The following NRG1 variants were observed in gnomAD, a reference collection of about 807,000 sequenced individuals.
The protein encoded by NRG1 is pro-neuregulin-1, membrane-bound isoform.
In NRG1, 18 loss-of-function variants were observed where a neutral mutation model predicts 63.8. The ratio of observed to expected loss-of-function variants is 0.28; its 90% confidence interval spans 0.19 to 0.42. The LOEUF is 0.42. NRG1 is among the 10% of genes least tolerant of loss of function. The pLI is 1.00. For missense variants in NRG1, 762 were observed against 814.7 expected, an observed-to-expected ratio of 0.94 and a Z score of 0.79; for synonymous variants, 302 against 301.3, an observed-to-expected ratio of 1.00 and a Z score of -0.02.
chr8:32,176,063 T>A (rs1361579551), intron 1 of NRG1, among the ~76,000 whole-genome samples: 1 of 152,090 alleles, frequency 6.6e-6, no homozygotes, highest in African/African-American at 2.4e-5. Flanking sequence ...GGAGGCATCA[T>A]GCTACCTGAC....
chr8:32,320,939 A>G (rs1395628975), intron 1 of NRG1, among the ~76,000 whole-genome samples: 1 of 152,196 alleles, frequency 6.6e-6, no homozygotes, highest in Non-Finnish European at 1.5e-5. Context: ...CAATTTGAGG[A>G]AATCAATTTC....
chr8:32,284,505 T>G (rs1476226365), intron 1 of NRG1, among the ~76,000 whole-genome samples: 129 of 133,570 alleles, frequency 9.7e-4, no homozygotes, highest in South Asian at 4.3e-3. Context: ...CTTCCTTCCT[T>G]CCTTCCTTCC....
intron 1 of NRG1, among the ~76,000 whole-genome samples, chr8:32,349,313 C>T (rs1237384367): frequency 2.0e-5 from 3 of 152,126 alleles, no homozygotes; most frequent in Non-Finnish European, 4.4e-5. Flanking sequence ...TCCCATAGTC[C>T]TCTATCTTTA....
intron 1 of NRG1, among the ~76,000 whole-genome samples, chr8:31,941,505 C>T (rs886979258): frequency 6.6e-6 from 1 of 152,070 alleles, no homozygotes; most frequent in Non-Finnish European, 1.5e-5. Context: ...CCCACTTTCA[C>T]CACTTCTATT....
intron 5 of NRG1, among the ~76,000 whole-genome samples, chr8:32,717,187 T>C (rs1365054431): frequency 6.6e-6 from 1 of 152,120 alleles, no homozygotes. Flanking sequence ...ACATTTTCTT[T>C]AGAGAAGCAA....
chr8:32,433,176 G>A (rs146678051), intron 1 of NRG1, among the ~76,000 whole-genome samples: 1 of 152,248 alleles, frequency 6.6e-6, no homozygotes, highest in Non-Finnish European at 1.5e-5. Flanking sequence ...CCTCTCATCT[G>A]TGTTTGAGAA....
At chr8:32,387,643 C>T (rs948007322) in intron 1 of NRG1, among the ~76,000 whole-genome samples, 1 of 151,972 alleles carries the variant, frequency 6.6e-6, no homozygotes, top group African/African-American at 2.4e-5. Flanking sequence ...CCTACTGATT[C>T]TTTACCCTAA....
chr8:32,123,541 A>T (rs1461725792), intron 1 of NRG1, among the ~76,000 whole-genome samples: 2 of 151,176 alleles, frequency 1.3e-5, no homozygotes, highest in Non-Finnish European at 3.0e-5. Context: ...GCGTGAGAAC[A>T]GACTATAACA....
At chr8:32,544,756 C>G (rs1293992849), upstream of NRG1, among the ~76,000 whole-genome samples, 1 of 138,380 alleles carries the variant, frequency 7.2e-6, no homozygotes, top group Non-Finnish European at 1.5e-5. Context: ...CTCCTGGGCT[C>G]AAGCAATCCA....
intron 1 of NRG1, among the ~76,000 whole-genome samples, chr8:31,732,031 A>C (rs543506763): frequency 1.2e-4 from 18 of 152,102 alleles, no homozygotes; most frequent in Non-Finnish European, 2.4e-4. Flanking sequence ...TCCTCTCAGC[A>C]CAGATACCAG....
chr8:32,040,546 A>T (rs1819771565), intron 1 of NRG1, among the ~76,000 whole-genome samples: 1 of 150,598 alleles, frequency 6.6e-6, no homozygotes, highest in African/African-American at 2.4e-5. Flanking sequence ...GATTAATTTC[A>T]TTTGGTAGGC....
chr8:32,003,432 G>A (rs1175767118), intron 1 of NRG1, among the ~76,000 whole-genome samples: 1 of 151,876 alleles, frequency 6.6e-6, no homozygotes, highest in Admixed American at 6.6e-5. Flanking sequence ...CATATTCTGG[G>A]CCATAACATT....
At chr8:32,554,447 A>G (rs1834724075) in intron 1 of NRG1, among the ~76,000 whole-genome samples, 1 of 152,234 alleles carries the variant, frequency 6.6e-6, no homozygotes, top group Non-Finnish European at 1.5e-5. Context: ...TACTAAACAT[A>G]AAGCTGGCTA....
At chr8:31,763,487 T>TC (rs1817751581) in intron 1 of NRG1, among the ~76,000 whole-genome samples, 1 of 152,140 alleles carries the variant, frequency 6.6e-6, no homozygotes, top group African/African-American at 2.4e-5. Context: ...CTGTTTAGCT[T>TC]CCCCCTTTCC....
intron 1 of NRG1, among the ~76,000 whole-genome samples, chr8:32,456,247 A>T (rs1212323569): frequency 6.6e-6 from 1 of 152,172 alleles, no homozygotes; most frequent in Non-Finnish European, 1.5e-5. Flanking sequence ...AGTACATTTT[A>T]CACCCTTCCT....
chr8:32,190,584 A>G (rs1842395729), intron 1 of NRG1, among the ~76,000 whole-genome samples: 7 of 152,196 alleles, frequency 4.6e-5, no homozygotes, highest in Admixed American at 4.6e-4. Flanking sequence ...ATAAAATTTC[A>G]TGACCAAAAC....
intron 1 of NRG1, among the ~76,000 whole-genome samples, chr8:32,105,568 T>G (rs1391042948): frequency 6.6e-6 from 1 of 152,166 alleles, no homozygotes; most frequent in Non-Finnish European, 1.5e-5. Flanking sequence ...CAATTCAAGA[T>G]GAGATTTGGG....
intron 1 of NRG1, among the ~76,000 whole-genome samples, chr8:31,735,778 T>C (rs1814603552): frequency 6.6e-6 from 1 of 152,184 alleles, no homozygotes; most frequent in Admixed American, 6.6e-5. Context: ...CCTCGCAAGA[T>C]GGCATCTCCT....
intron 1 of NRG1, among the ~76,000 whole-genome samples, chr8:31,913,051 A>C (rs1233799213): frequency 1.3e-5 from 2 of 152,126 alleles, no homozygotes; most frequent in Admixed American, 1.3e-4. Flanking sequence ...TTTAATACAA[A>C]CCCTGTAGAA....
Sources: gnomAD v4.1 joint callset for allele counts (sites outside exome capture counted in the v4.1 genomes callset) on GRCh38, gnomAD v4.1.1 for gene constraint, MANE v1.5 for transcripts, NCBI Gene and HGNC (gene_info 2026-07-23, HGNC 2026-07-21) for gene names.